The following KCNC2 variants were observed in gnomAD, a reference collection of about 807,000 sequenced individuals.
The protein encoded by KCNC2 is voltage-gated potassium channel KCNC2.
Under a neutral mutation model 44.5 loss-of-function variants are expected in KCNC2, and 21 were observed. The ratio of observed to expected loss-of-function variants is 0.47; its 90% CI spans 0.33 to 0.68. KCNC2 has a LOEUF of 0.68. Ranked by LOEUF, KCNC2 falls within the 30% of genes least tolerant of loss-of-function variation. The pLI is 0.01. For synonymous variants in KCNC2, 391 were observed against 339.1 expected (o/e 1.15, Z -1.68); for missense variants, 589 against 826.2 (o/e 0.71, Z 3.52).
intron 2 of KCNC2, among the ~76,000 whole-genome samples, chr12:75,166,055 GGAAAAA>G (rs1285354566): frequency 3.3e-5 from 5 of 150,928 alleles, no homozygotes; most frequent in African/African-American, 1.2e-4. Context: ...AGTAAAGAAT[GGAAAAA>G]ATATATACCA....
intron 2 of KCNC2, among the ~76,000 whole-genome samples, chr12:75,082,522 ATTT>A (rs148537576): frequency 0.18 from 24,514 of 137,750 alleles, 2,236 homozygotes; most frequent in East Asian, 0.36. Context: ...CACCCACGAG[ATTT>A]TTTTTTTTTT....
In KCNC2 at chr12:75,050,904, A is replaced by T; in HGVS notation, c.1101T>A (p.Gly367=). 6.2e-7 allele frequency: 1 copy of T among 1,613,684 alleles called. No individual in the cohort carries two copies. The highest frequency in any genetic ancestry group is 8.5e-7 in the Non-Finnish European group (1 of 1,179,862). Residue 367 remains glycine, a synonymous_variant, in exon 3 of 5, where the codon GGT becomes GGA. Transcript: ENST00000549446. ...GAAGAGTATGTCCAAGCACCCTCAG[A>T]CCTACAAAATGGCGGGTGAGCTTGA... ...RIFKLTRHFV[G]LRVLGHTLRA...
chr12:75,076,064 C>G (rs1883939034), intron 2 of KCNC2, among the ~76,000 whole-genome samples: 2 of 151,728 alleles, frequency 1.3e-5, no homozygotes, highest in South Asian at 2.1e-4. Flanking sequence ...CACACACACA[C>G]ACACACACAC....
At chr12:75,087,130 G>T (rs1332332936) in intron 2 of KCNC2, among the ~76,000 whole-genome samples, 1 of 151,982 alleles carries the variant, frequency 6.6e-6, no homozygotes, top group Admixed American at 6.6e-5. Flanking sequence ...ATTCCATAAA[G>T]ATAGAAATTT....
intron 2 of KCNC2, among the ~76,000 whole-genome samples, chr12:75,097,340 A>G (rs1886020718): frequency 6.6e-6 from 1 of 152,114 alleles, no homozygotes; most frequent in Admixed American, 6.6e-5. Context: ...CAGTCATTAT[A>G]CATTTATCAA....
At chr12:75,112,747 TA>T (rs1361453391) in intron 2 of KCNC2, among the ~76,000 whole-genome samples, 1 of 152,018 alleles carries the variant, frequency 6.6e-6, no homozygotes, top group Non-Finnish European at 1.5e-5. Context: ...ATAAAATCCA[TA>T]TAATTGAGCT....
At chr12:75,183,031 T>C (rs781664983) in intron 2 of KCNC2, among the ~76,000 whole-genome samples, 1 of 152,238 alleles carries the variant, frequency 6.6e-6, no homozygotes, top group Non-Finnish European at 1.5e-5. Context: ...CCGGCCCTTC[T>C]GTCCCCAAAC....
intron 2 of KCNC2, among the ~76,000 whole-genome samples, chr12:75,052,688 G>C (rs1411608618): frequency 6.6e-6 from 1 of 152,110 alleles, no homozygotes; most frequent in Non-Finnish European, 1.5e-5. Flanking sequence ...CCATTGGGAA[G>C]AGCTGAGACA....
chr12:75,192,186 T>C (rs778144487), intron 2 of KCNC2, among the ~76,000 whole-genome samples: 4 of 152,220 alleles, frequency 2.6e-5, no homozygotes, highest in Non-Finnish European at 4.4e-5. Context: ...GTGCGATAAA[T>C]AGGGATTCTT....
chr12:75,204,259 C>G (rs141273364), intron 2 of KCNC2, among the ~76,000 whole-genome samples: 2 of 151,908 alleles, frequency 1.3e-5, no homozygotes, highest in Non-Finnish European at 2.9e-5. Flanking sequence ...CCCTCATATA[C>G]GTATTTACTT....
At chr12:75,144,840 C>T (rs1216053133) in intron 2 of KCNC2, among the ~76,000 whole-genome samples, 1 of 151,876 alleles carries the variant, frequency 6.6e-6, no homozygotes, top group African/African-American at 2.4e-5. Context: ...TTGACATGGA[C>T]ATTATATCAC....
At chr12:75,075,452 TATATAC>T (rs1565832197) in intron 2 of KCNC2, among the ~76,000 whole-genome samples, 2 of 19,960 alleles carry the variant, frequency 1.0e-4, no homozygotes, top group African/African-American at 1.4e-4. Flanking sequence ...GAGAAATATA[TATATAC>T]ATATATATAT....
chr12:75,172,505 G>A (rs1397604829), intron 2 of KCNC2, among the ~76,000 whole-genome samples: 2 of 151,206 alleles, frequency 1.3e-5, no homozygotes, highest in Admixed American at 1.3e-4. Flanking sequence ...AAAAAAAAAA[G>A]TACATCCACC....
intron 2 of KCNC2, among the ~76,000 whole-genome samples, chr12:75,149,743 T>A (rs1417549882): frequency 6.6e-6 from 1 of 151,610 alleles, no homozygotes; most frequent in African/African-American, 2.4e-5. Context: ...AAAAAAAGTC[T>A]AGTATAATTA....
chr12:75,113,641 T>TA (rs1374207369), intron 2 of KCNC2, among the ~76,000 whole-genome samples: 5 of 152,166 alleles, frequency 3.3e-5, no homozygotes, highest in African/African-American at 1.2e-4. Flanking sequence ...AAATGGAGTT[T>TA]AGAGAGACTA....
chr12:75,169,035 C>T (rs974847105), intron 2 of KCNC2, among the ~76,000 whole-genome samples: 2 of 151,386 alleles, frequency 1.3e-5, no homozygotes, highest in African/African-American at 4.8e-5. Flanking sequence ...AGACAGGTGC[C>T]AAAAGGAAAG....
intron 2 of KCNC2, among the ~76,000 whole-genome samples, chr12:75,099,714 C>G: frequency 6.6e-6 from 1 of 152,246 alleles, no homozygotes; most frequent in Middle Eastern, 3.4e-3. Flanking sequence ...ATTTTAACCT[C>G]AAGTCTCTAT....
At position 75,043,067 on chromosome 12, in the gene KCNC2, A is replaced by G; in HGVS notation, c.*38T>C. On this transcript the variant is annotated 3_prime_UTR_variant, in exon 5 of 5. Coordinates refer to ENST00000549446, the MANE Select transcript of KCNC2 (RefSeq NM_139137.4). ...TATGGGGTAAACAGCACTTGAATTA[A>G]TACAATTTAGCCGACTGATGCAGTT... is the stretch of plus-strand genomic sequence containing the variant. 2 of 1,608,672 alleles carry G rather than the reference A, an allele frequency of 1.2e-6. No homozygotes were observed. The highest frequency in any genetic ancestry group is 2.2e-5 in the South Asian group (2 of 90,548).
intron 2 of KCNC2, among the ~76,000 whole-genome samples, chr12:75,079,707 T>C (rs1423998830): frequency 6.6e-6 from 1 of 152,134 alleles, no homozygotes; most frequent in African/African-American, 2.4e-5. Flanking sequence ...ACCTTGGATA[T>C]ATCTAAGCAA....
Sources: gnomAD v4.1 joint callset for allele counts (sites outside exome capture counted in the v4.1 genomes callset) on GRCh38, gnomAD v4.1.1 for gene constraint, MANE v1.5 for transcripts, NCBI Gene and HGNC (gene_info 2026-07-23, HGNC 2026-07-21) for gene names.